IGSF21: variants seen among roughly 807,000 people sequenced by gnomAD.
The protein encoded by IGSF21 is immunoglobulin superfamily member 21.
IGSF21 carries 28 observed loss-of-function variants against 46.8 expected under a neutral mutation model. The ratio of observed to expected loss-of-function variants is 0.60; its 90% CI spans 0.44 to 0.82. The LOEUF is 0.82. Among genes scored for constraint, IGSF21 ranks in the 40% least tolerant of loss-of-function variants. IGSF21 has a pLI of 0.00. For synonymous variants in IGSF21, 284 were observed against 273.6 expected, an observed-to-expected ratio of 1.04 and a Z score of -0.38; for missense variants, 624 against 665.5, an observed-to-expected ratio of 0.94 and a Z score of 0.69.
intron 1 of IGSF21, among the ~76,000 whole-genome samples, chr1:18,123,075 C>G (rs1188015797): frequency 6.6e-6 from 1 of 152,084 alleles, no homozygotes; most frequent in African/African-American, 2.4e-5. Context: ...GTTTTGGACC[C>G]TAGGATCTGA....
intron 4 of IGSF21, among the ~76,000 whole-genome samples, chr1:18,351,421 G>A (rs1485062588): frequency 6.6e-6 from 1 of 152,204 alleles, no homozygotes; most frequent in African/African-American, 2.4e-5. Context: ...TTCAAGGCCA[G>A]GGCTAAGCTC....
Position 18,108,159 on chromosome 1 carries a change from G to A in IGSF21, c.31G>A (p.Val11Ile), listed in dbSNP as rs1218106256. 13 of 1,446,324 alleles carry A rather than the reference G, an allele frequency of 9.0e-6. No individual in the cohort carries two copies. The highest frequency in any genetic ancestry group is 1.1e-5 in the Non-Finnish European group (12 of 1,102,642). The allele number at this position is 1,446,324 out of a possible 1,614,324, so 89.6% of individuals were successfully genotyped here. ...AACCGCCCCGAGCCTCCGCCGCTGC[G>A]TCTGCCTGCTGCTCGCCGCGATCCT... The part of the protein sequence containing the change: MRTAPSLRRC[V>I]CLLLAAILDL... The change falls in exon 1 of 10, where the codon GTC becomes ATC. Residue 11 changes from valine to isoleucine, a missense_variant. By Grantham distance (29) the Val-to-Ile change is conservative (BLOSUM62 3). Transcript: ENST00000251296.
chr1:18,283,720 G>A (rs555618010), intron 2 of IGSF21, among the ~76,000 whole-genome samples: 2 of 151,182 alleles, frequency 1.3e-5, no homozygotes, highest in African/African-American at 2.4e-5. Flanking sequence ...TCCCTTTCTT[G>A]CCCCCCTGCC....
chr1:18,205,516 G>A (rs1429366050), intron 1 of IGSF21, among the ~76,000 whole-genome samples: 2 of 152,130 alleles, frequency 1.3e-5, no homozygotes, highest in Non-Finnish European at 2.9e-5. Flanking sequence ...AAGGGACTGT[G>A]ATCGAGTGAG....
chr1:18,305,004 C>G (rs1425809585), intron 3 of IGSF21, among the ~76,000 whole-genome samples: 1 of 152,180 alleles, frequency 6.6e-6, no homozygotes, highest in Non-Finnish European at 1.5e-5. Context: ...CTGGGAGAAT[C>G]TTTGCCTTGG....
chr1:18,355,276 G>A (rs986186811), intron 4 of IGSF21, among the ~76,000 whole-genome samples: 6 of 152,174 alleles, frequency 3.9e-5, no homozygotes, highest in Non-Finnish European at 7.3e-5. Flanking sequence ...CAAAGGCCAC[G>A]GAATGATTTA....
At chr1:18,127,170 A>G (rs1031758063) in intron 1 of IGSF21, among the ~76,000 whole-genome samples, 1 of 152,138 alleles carries the variant, frequency 6.6e-6, no homozygotes, top group African/African-American at 2.4e-5. Context: ...CTTATCTGCA[A>G]AATGGGAGTT....
At chr1:18,217,585 C>T (rs973429220) in intron 1 of IGSF21, among the ~76,000 whole-genome samples, 2 of 152,190 alleles carry the variant, frequency 1.3e-5, no homozygotes, top group Non-Finnish European at 2.9e-5. Context: ...ATCTGTCTTC[C>T]TGCTGCCACC....
At chr1:18,115,841 G>GAAT (rs1440777506) in intron 1 of IGSF21, 1 of 93,710 alleles carries the variant, frequency 1.1e-5, no homozygotes, top group Admixed American at 1.1e-4. Flanking sequence ...AAGGAAGGAA[G>GAAT]GAAGAAAGAA....
intron 3 of IGSF21, among the ~76,000 whole-genome samples, chr1:18,297,922 A>G (rs1365517029): frequency 6.6e-6 from 1 of 152,154 alleles, no homozygotes; most frequent in East Asian, 1.9e-4. Context: ...GGTGAGAATA[A>G]TGGAGTGAGG....
chr1:18,190,684 CT>C (rs1270565017), intron 1 of IGSF21, among the ~76,000 whole-genome samples: 1 of 152,130 alleles, frequency 6.6e-6, no homozygotes, highest in East Asian at 1.9e-4. Context: ...CTGCAGGGTG[CT>C]CAGTGAAAGC....
At chr1:18,361,366 T>C (rs1288605693) in intron 4 of IGSF21, 1 of 152,224 alleles carries the variant, frequency 6.6e-6, no homozygotes, top group East Asian at 1.9e-4. Flanking sequence ...GCAGTTGCTG[T>C]TTTTTGTGAT....
At chr1:18,296,314 G>A (rs72934829) in intron 3 of IGSF21, among the ~76,000 whole-genome samples, 4,605 of 152,216 alleles carry the variant, frequency 0.03, 238 homozygotes, top group African/African-American at 0.1. Context: ...GAATTCACAA[G>A]ACAAAAGGAT....
At chr1:18,126,966 A>G (rs557159376) in intron 1 of IGSF21, among the ~76,000 whole-genome samples, 15 of 152,270 alleles carry the variant, frequency 9.9e-5, no homozygotes, top group South Asian at 4.1e-4. Context: ...CACACATCCC[A>G]TTAGATGCCC....
At chr1:18,252,688 G>C (rs1011776288) in intron 2 of IGSF21, among the ~76,000 whole-genome samples, 3 of 152,208 alleles carry the variant, frequency 2.0e-5, no homozygotes, top group African/African-American at 7.2e-5. Context: ...GAATCAGAGA[G>C]GACTTGGTCT....
intron 1 of IGSF21, among the ~76,000 whole-genome samples, chr1:18,189,045 C>T (rs987422833): frequency 6.6e-6 from 1 of 152,164 alleles, no homozygotes; most frequent in African/African-American, 2.4e-5. Context: ...AACAGATAAT[C>T]CCAGAGTCAG....
At chr1:18,228,735 A>G (rs1013192533) in intron 2 of IGSF21, among the ~76,000 whole-genome samples, 2 of 152,158 alleles carry the variant, frequency 1.3e-5, no homozygotes, top group African/African-American at 4.8e-5. Context: ...GTGCACAGAT[A>G]AAGGCACCAC....
intron 4 of IGSF21, among the ~76,000 whole-genome samples, chr1:18,336,934 A>G (rs531159973): frequency 6.6e-6 from 1 of 152,218 alleles, no homozygotes; most frequent in Admixed American, 6.5e-5. Flanking sequence ...TTATGAAATC[A>G]TCAGATCTTG....
intron 1 of IGSF21, among the ~76,000 whole-genome samples, chr1:18,127,582 C>T (rs1046502904): frequency 2.0e-5 from 3 of 152,056 alleles, no homozygotes; most frequent in Non-Finnish European, 4.4e-5. Context: ...GGCACGTGAC[C>T]GCTTTAAGTC....
Sources: allele counts gnomAD v4.1 joint callset (sites outside exome capture counted in the v4.1 genomes callset), GRCh38; gene constraint gnomAD v4.1.1; transcripts MANE v1.5; gene names NCBI Gene and HGNC (gene_info 2026-07-23, HGNC 2026-07-21).